MARCHF1: variants seen among roughly 807,000 people sequenced by gnomAD.
The protein encoded by MARCHF1 is E3 ubiquitin-protein ligase MARCHF1.
In MARCHF1, 40 loss-of-function variants were observed where a neutral mutation model predicts 54.2. The ratio of observed to expected loss-of-function variants is 0.74; its 90% confidence interval spans 0.57 to 0.96. The LOEUF is 0.96. MARCHF1 is among the 40% of genes least tolerant of loss of function. The pLI is 0.00. For missense variants in MARCHF1, 586 were observed against 656.5 expected (o/e 0.89, Z 1.17); for synonymous variants, 236 against 236.3 (o/e 1.00, Z 0.01).
chr4:164,118,846 G>A (rs564072534), intron 1 of MARCHF1, among the ~76,000 whole-genome samples: 1 of 149,740 alleles, frequency 6.7e-6, no homozygotes. Context: ...GAAAGAAAAA[G>A]TCACAATAAA....
intron 4 of MARCHF1, among the ~76,000 whole-genome samples, chr4:163,770,718 G>T (rs971419427): frequency 6.6e-6 from 1 of 152,062 alleles, no homozygotes; most frequent in Non-Finnish European, 1.5e-5. Context: ...TAGAAGCAAA[G>T]AACTAATAAA....
intron 8 of MARCHF1, among the ~76,000 whole-genome samples, chr4:163,553,838 A>C (rs1739195927): frequency 6.6e-6 from 1 of 152,204 alleles, no homozygotes; most frequent in South Asian, 2.1e-4. Context: ...CATGAGAAGC[A>C]GTCTGACTAG....
rs56696544 is a variant in MARCHF1 at position 163,806,615 on chromosome 4, T to C, written c.111+47406A>G. ...AATATTTTATTGGGGAGGGGTTTACTTTCAGGTGGCAAAGCTGTGAAAATG... is the reference window on the plus strand; with the variant it reads ...AATATTTTATTGGGGAGGGGTTTACCTTCAGGTGGCAAAGCTGTGAAAATG... On this transcript the variant is annotated intron_variant, in intron 4 of 9. Coordinates refer to ENST00000514618, the MANE Select transcript of MARCHF1 (RefSeq NM_001394959.1). Among the ~76,000 whole-genome samples, 1,030 of 152,268 alleles carry C rather than the reference T, an allele frequency of 6.8e-3. 11 individuals carry two copies. The highest frequency in any genetic ancestry group is 0.023 in the African/African-American group (976 of 41,542).
intron 2 of MARCHF1, among the ~76,000 whole-genome samples, chr4:164,012,115 C>A (rs1753434225): frequency 6.6e-6 from 1 of 152,106 alleles, no homozygotes; most frequent in Non-Finnish European, 1.5e-5. Flanking sequence ...TGGCCTGGGT[C>A]CCAGAATAAA....
chr4:164,241,402 T>G (rs1732744323), intron 1 of MARCHF1, among the ~76,000 whole-genome samples: 1 of 152,180 alleles, frequency 6.6e-6, no homozygotes, highest in Admixed American at 6.5e-5. Context: ...CAGCGATCAC[T>G]CAGCACACAT....
chr4:164,081,614 G>A (rs1755103223), intron 2 of MARCHF1, among the ~76,000 whole-genome samples: 1 of 152,074 alleles, frequency 6.6e-6, no homozygotes, highest in Non-Finnish European at 1.5e-5. Context: ...CCTTTCCTGA[G>A]TTGTGTGAAA....
intron 3 of MARCHF1, among the ~76,000 whole-genome samples, chr4:163,870,210 C>T (rs1414810352): frequency 1.3e-5 from 2 of 151,984 alleles, no homozygotes; most frequent in African/African-American, 4.8e-5. Context: ...TTTCAATTCT[C>T]TACATTCAAT....
At chr4:163,985,072 A>G (rs1000733331) in intron 3 of MARCHF1, among the ~76,000 whole-genome samples, 1 of 152,136 alleles carries the variant, frequency 6.6e-6, no homozygotes, top group African/African-American at 2.4e-5. Context: ...CTGGAGCTAA[A>G]ACTCAAACAT....
chr4:163,893,120 A>G (rs1750697750), intron 3 of MARCHF1, among the ~76,000 whole-genome samples: 1 of 150,838 alleles, frequency 6.6e-6, no homozygotes, highest in Admixed American at 6.6e-5. Context: ...CTCCAGAGGG[A>G]GACCCAACCT....
intron 3 of MARCHF1, among the ~76,000 whole-genome samples, chr4:163,940,623 C>T (rs778571296): frequency 7.9e-5 from 12 of 152,060 alleles, no homozygotes; most frequent in South Asian, 2.1e-4. Flanking sequence ...TGTTCATAGA[C>T]GACACAAATC....
At chr4:163,808,463 G>C (rs1324027151) in intron 4 of MARCHF1, among the ~76,000 whole-genome samples, 2 of 152,164 alleles carry the variant, frequency 1.3e-5, no homozygotes, top group Non-Finnish European at 2.9e-5. Flanking sequence ...GTTAACACGA[G>C]TGTTTTTAGA....
chr4:163,937,313 A>C (rs920254078), intron 3 of MARCHF1, among the ~76,000 whole-genome samples: 2 of 151,880 alleles, frequency 1.3e-5, no homozygotes, highest in Non-Finnish European at 2.9e-5. Context: ...TGATAAAAAT[A>C]TGCAGAGTAG....
intron 2 of MARCHF1, among the ~76,000 whole-genome samples, chr4:164,078,259 T>G (rs899322086): frequency 6.6e-6 from 1 of 152,140 alleles, no homozygotes. Flanking sequence ...ATCATCATTC[T>G]CAGCAAACTA....
intron 4 of MARCHF1, among the ~76,000 whole-genome samples, chr4:163,729,495 T>C (rs918188464): frequency 6.6e-6 from 1 of 152,136 alleles, no homozygotes; most frequent in Non-Finnish European, 1.5e-5. Context: ...CTTAATGTCT[T>C]AGAAAGTTAT....
At chr4:163,928,476 G>C (rs1490993487) in intron 3 of MARCHF1, among the ~76,000 whole-genome samples, 1 of 151,776 alleles carries the variant, frequency 6.6e-6, no homozygotes, top group African/African-American at 2.4e-5. Context: ...ATAACTCTAG[G>C]GTAGTTGGTA....
chr4:164,278,548 A>G (rs1396713817), intron 1 of MARCHF1, among the ~76,000 whole-genome samples: 1 of 152,184 alleles, frequency 6.6e-6, no homozygotes, highest in African/African-American at 2.4e-5. Context: ...GCCAGAGCTG[A>G]CCTTGAAAGA....
intron 8 of MARCHF1, among the ~76,000 whole-genome samples, chr4:163,561,853 T>G (rs1739477944): frequency 6.6e-6 from 1 of 152,198 alleles, no homozygotes; most frequent in African/African-American, 2.4e-5. Context: ...TAAAAACATC[T>G]ATCTTTTGGT....
At chr4:163,740,704 T>C (rs1488715324) in intron 4 of MARCHF1, among the ~76,000 whole-genome samples, 3 of 152,238 alleles carry the variant, frequency 2.0e-5, no homozygotes, top group Non-Finnish European at 2.9e-5. Context: ...ACAGCACTTA[T>C]GTTAGCAAGA....
chr4:164,232,556 T>A (rs2111183586), intron 1 of MARCHF1, among the ~76,000 whole-genome samples: 1 of 152,272 alleles, frequency 6.6e-6, no homozygotes, highest in South Asian at 2.1e-4. Context: ...AACCATAAAC[T>A]CACCCTTGGC....
Sources: allele counts gnomAD v4.1 joint callset (sites outside exome capture counted in the v4.1 genomes callset), GRCh38; gene constraint gnomAD v4.1.1; transcripts MANE v1.5; gene names NCBI Gene and HGNC (gene_info 2026-07-23, HGNC 2026-07-21).